Variants in CSMD1 observed in about 807,000 individuals in gnomAD.
CSMD1 encodes CUB and Sushi multiple domains 1, also known as CUB and sushi domain-containing protein 1.
In CSMD1, 213 loss-of-function variants were observed where a neutral mutation model predicts 417.5. That is an observed-to-expected ratio of 0.51 (90% CI 0.46 to 0.57). The LOEUF (loss-of-function observed/expected upper bound fraction) is 0.57. Ranked by LOEUF, CSMD1 falls within the 20% of genes least tolerant of loss-of-function variation. CSMD1 has a pLI of 0.00. For missense variants in CSMD1, 6,923 were observed against 4,529.7 expected, an observed-to-expected ratio of 1.53 and a Z score of -15.17; for synonymous variants, 2,862 against 1,736.8, an observed-to-expected ratio of 1.65 and a Z score of -16.11.
intron 36 of CSMD1, among the ~76,000 whole-genome samples, chr8:3,182,510 C>T (rs1821399707): frequency 6.6e-6 from 1 of 151,894 alleles, no homozygotes; most frequent in Admixed American, 6.6e-5. Context: ...CCACTGCACC[C>T]GGCCCCCAAG....
At chr8:4,926,330 G>C (rs554257981) in intron 1 of CSMD1, among the ~76,000 whole-genome samples, 2 of 152,154 alleles carry the variant, frequency 1.3e-5, no homozygotes, top group Admixed American at 1.3e-4. Context: ...CTATAATTTT[G>C]TGTAATAACC....
At chr8:3,117,545 CT>C (rs1816943266) in intron 42 of CSMD1, among the ~76,000 whole-genome samples, 1 of 152,100 alleles carries the variant, frequency 6.6e-6, no homozygotes, top group Non-Finnish European at 1.5e-5. Context: ...TTCAAAGGTC[CT>C]GTATGTATAG....
chr8:4,827,874 C>G (rs919958980), intron 1 of CSMD1, among the ~76,000 whole-genome samples: 1 of 152,284 alleles, frequency 6.6e-6, no homozygotes, highest in African/African-American at 2.4e-5. Flanking sequence ...CCATTTTAAT[C>G]TTTCTCGTCC....
At chr8:4,767,162 C>A (rs1262749057) in intron 1 of CSMD1, among the ~76,000 whole-genome samples, 1 of 152,054 alleles carries the variant, frequency 6.6e-6, no homozygotes. Context: ...TTGGACATAC[C>A]ATGTTAATGA....
intron 12 of CSMD1, among the ~76,000 whole-genome samples, chr8:3,450,604 G>A (rs1479436987): frequency 6.6e-6 from 1 of 151,646 alleles, no homozygotes; most frequent in Admixed American, 6.6e-5. Flanking sequence ...TGAGAATCAT[G>A]GTTTCCAGCT....
At chr8:3,262,154 C>G (rs1028364497) in intron 26 of CSMD1, among the ~76,000 whole-genome samples, 1 of 128,930 alleles carries the variant, frequency 7.8e-6, no homozygotes, top group South Asian at 2.6e-4. Context: ...TGAATGCAAA[C>G]CATTTTATTT....
intron 1 of CSMD1, among the ~76,000 whole-genome samples, chr8:4,940,928 C>A (rs1488213309): frequency 6.6e-6 from 1 of 152,116 alleles, no homozygotes; most frequent in Non-Finnish European, 1.5e-5. Context: ...AGTGTTTGGG[C>A]AATATTTCTT....
At chr8:3,711,059 G>C (rs928738062) in intron 6 of CSMD1, among the ~76,000 whole-genome samples, 3 of 152,132 alleles carry the variant, frequency 2.0e-5, no homozygotes, top group African/African-American at 4.8e-5. Context: ...CCAAGTCTGA[G>C]ATATTTTCCT....
intron 1 of CSMD1, among the ~76,000 whole-genome samples, chr8:4,729,135 C>T (rs531037450): frequency 6.6e-6 from 1 of 152,026 alleles, no homozygotes; most frequent in African/African-American, 2.4e-5. Context: ...GAAGACTAAA[C>T]AAAGAACACA....
intron 7 of CSMD1, among the ~76,000 whole-genome samples, chr8:3,652,979 T>A (rs917865845): frequency 6.6e-6 from 1 of 152,148 alleles, no homozygotes; most frequent in Non-Finnish European, 1.5e-5. Flanking sequence ...CAAGTATAAT[T>A]AGCATTGTCT....
chr8:3,292,169 T>A (rs1350473642), intron 25 of CSMD1, among the ~76,000 whole-genome samples: 1 of 152,232 alleles, frequency 6.6e-6, no homozygotes, highest in African/African-American at 2.4e-5. Context: ...AGTTCTAGTT[T>A]GATTGCACTG....
intron 52 of CSMD1, among the ~76,000 whole-genome samples, chr8:3,010,887 G>C (rs976361085): frequency 2.0e-5 from 3 of 151,868 alleles, no homozygotes; most frequent in African/African-American, 7.3e-5. Flanking sequence ...GGGATTACTG[G>C]TGCCCACCAT....
At chr8:4,487,180 T>C (rs908889241) in intron 2 of CSMD1, among the ~76,000 whole-genome samples, 3 of 152,196 alleles carry the variant, frequency 2.0e-5, no homozygotes, top group Non-Finnish European at 4.4e-5. Context: ...TTTTTTATTA[T>C]TATTATTATA....
intron 3 of CSMD1, among the ~76,000 whole-genome samples, chr8:4,332,466 C>T (rs1799920832): frequency 6.6e-6 from 1 of 151,936 alleles, no homozygotes; most frequent in South Asian, 2.1e-4. Context: ...TGTACTGTCT[C>T]TCCAACTGAG....
At chr8:3,592,753 A>C (rs1032296531) in intron 8 of CSMD1, among the ~76,000 whole-genome samples, 1 of 152,014 alleles carries the variant, frequency 6.6e-6, no homozygotes, top group Admixed American at 6.6e-5. Flanking sequence ...TATTTTACTA[A>C]AACTCTGAGG....
intron 3 of CSMD1, among the ~76,000 whole-genome samples, chr8:4,418,330 C>T (rs1313349669): frequency 6.6e-6 from 1 of 152,000 alleles, no homozygotes; most frequent in Non-Finnish European, 1.5e-5. Context: ...AAATATTTTT[C>T]CAACATAGAC....
intron 3 of CSMD1, among the ~76,000 whole-genome samples, chr8:4,407,807 T>C (rs1215117771): frequency 6.6e-6 from 1 of 152,204 alleles, no homozygotes; most frequent in African/African-American, 2.4e-5. Flanking sequence ...TTGTGGCATA[T>C]GAGAAGGTTT....
At chr8:3,610,021 C>T (rs1450872516) in intron 8 of CSMD1, among the ~76,000 whole-genome samples, 1 of 151,822 alleles carries the variant, frequency 6.6e-6, no homozygotes, top group Non-Finnish European at 1.5e-5. Context: ...AGGCTGGTCT[C>T]AAAATCCTGA....
At chr8:3,953,400 T>C (rs1434917960) in intron 5 of CSMD1, among the ~76,000 whole-genome samples, 1 of 152,214 alleles carries the variant, frequency 6.6e-6, no homozygotes, top group Admixed American at 6.5e-5. Flanking sequence ...TAGATATTCA[T>C]GTGTAATGAG....
Sources: allele counts gnomAD v4.1 joint callset (sites outside exome capture counted in the v4.1 genomes callset), GRCh38; gene constraint gnomAD v4.1.1; transcripts MANE v1.5; gene names NCBI Gene and HGNC (gene_info 2026-07-23, HGNC 2026-07-21).